CNOT4: variants seen among roughly 807,000 people sequenced by gnomAD.
The protein encoded by CNOT4 is CCR4-associated factor 4.
Under a neutral mutation model 73.8 loss-of-function variants are expected in CNOT4, and 8 were observed. The observed-to-expected ratio is 0.11, with a 90% CI of 0.06 to 0.20. CNOT4 has a LOEUF of 0.20. Among genes scored for constraint, CNOT4 ranks in the 10% least tolerant of loss-of-function variants. The pLI, the probability that CNOT4 is intolerant of heterozygous loss-of-function variation, is 1.00. For missense variants in CNOT4, 564 were observed against 883.4 expected, an observed-to-expected ratio of 0.64 and a Z score of 4.58; for synonymous variants, 293 against 321.1, an observed-to-expected ratio of 0.91 and a Z score of 0.94.
chr7:135,367,815 C>G (rs1227971309), intron 10 of CNOT4, among the ~76,000 whole-genome samples: 1 of 151,908 alleles, frequency 6.6e-6, no homozygotes, highest in Non-Finnish European at 1.5e-5. Flanking sequence ...GTGAAAAGAG[C>G]AAGCAAAGTA....
At chr7:135,376,931 A>C (rs1388744463) in intron 10 of CNOT4, among the ~76,000 whole-genome samples, 2 of 152,228 alleles carry the variant, frequency 1.3e-5, no homozygotes, top group Non-Finnish European at 2.9e-5. Context: ...TCATTTCAGA[A>C]GAAAAATTAT....
At chr7:135,431,849 G>A (rs1798869233) in intron 2 of CNOT4, among the ~76,000 whole-genome samples, 1 of 151,920 alleles carries the variant, frequency 6.6e-6, no homozygotes, top group Non-Finnish European at 1.5e-5. Context: ...ATAAAACATT[G>A]CTAAAGAAAT....
At chr7:135,470,331 T>C (rs566517676) in intron 1 of CNOT4, among the ~76,000 whole-genome samples, 14 of 150,930 alleles carry the variant, frequency 9.3e-5, no homozygotes, top group Non-Finnish European at 1.6e-4. Flanking sequence ...GAAGCGTCAC[T>C]GTATTGCACA....
At chr7:135,450,223 C>T (rs1290445643) in intron 1 of CNOT4, among the ~76,000 whole-genome samples, 1 of 152,052 alleles carries the variant, frequency 6.6e-6, no homozygotes, top group Non-Finnish European at 1.5e-5. Context: ...TAAACAAAAA[C>T]TGGCAATTTA....
At chr7:135,489,873 A>G (rs1223275308) in intron 1 of CNOT4, among the ~76,000 whole-genome samples, 2 of 152,238 alleles carry the variant, frequency 1.3e-5, no homozygotes, top group Non-Finnish European at 2.9e-5. Flanking sequence ...ACAATGCCAC[A>G]ACAGTGATAT....
At chr7:135,385,025 T>A (rs1191635143) in intron 10 of CNOT4, among the ~76,000 whole-genome samples, 2 of 126,664 alleles carry the variant, frequency 1.6e-5, no homozygotes, top group Non-Finnish European at 3.7e-5. Context: ...TAATTCATAG[T>A]TCTTCTCCAT....
intron 2 of CNOT4, among the ~76,000 whole-genome samples, chr7:135,435,287 A>G (rs1248256065): frequency 6.6e-6 from 1 of 152,050 alleles, no homozygotes; most frequent in Non-Finnish European, 1.5e-5. Flanking sequence ...ATTTCTTCCT[A>G]TTCATTTTTA....
At chr7:135,468,600 G>C (rs184768621) in intron 1 of CNOT4, among the ~76,000 whole-genome samples, 1 of 149,778 alleles carries the variant, frequency 6.7e-6, no homozygotes, top group Non-Finnish European at 1.5e-5. Flanking sequence ...AGAATCGCTT[G>C]AACTCAGGAG....
Position 135,363,217 on chromosome 7 carries a change from T to C in CNOT4, c.1841-31A>G, listed in dbSNP as rs114079493. 2,925 of 1,600,994 alleles carry C rather than the reference T, an allele frequency of 1.8e-3. 47 individuals are homozygous for C. The African/African-American group carries it at 0.033, about 18-fold the overall frequency. On this transcript the variant is annotated intron_variant, in intron 11 of 11. Transcript: ENST00000541284. This position sits in a 1 kb window ranked among gnomAD's most constrained non-coding sequence, Gnocchi z 4.3. ...GAGAGAAAAGAAAAAAGAGGGAAAA[T>C]GGTGAGTTTGTGTGGAAAGAATAAG...
intron 2 of CNOT4, among the ~76,000 whole-genome samples, chr7:135,423,230 T>C (rs532932472): frequency 6.6e-6 from 1 of 151,792 alleles, no homozygotes; most frequent in East Asian, 1.9e-4. Flanking sequence ...AACACCAACA[T>C]AGGGGCACAT....
chr7:135,490,468 A>C (rs915325511), intron 1 of CNOT4, among the ~76,000 whole-genome samples: 5 of 152,232 alleles, frequency 3.3e-5, no homozygotes, highest in African/African-American at 4.8e-5. Flanking sequence ...CTCTTCAAAA[A>C]CGATGATCCA....
At chr7:135,377,106 A>C (rs1450425830) in intron 10 of CNOT4, among the ~76,000 whole-genome samples, 1 of 152,228 alleles carries the variant, frequency 6.6e-6, no homozygotes, top group African/African-American at 2.4e-5. Context: ...TTTTAAAATA[A>C]ATGTCTGTTT....
intron 1 of CNOT4, among the ~76,000 whole-genome samples, chr7:135,457,392 A>T (rs1800606450): frequency 6.6e-6 from 1 of 152,088 alleles, no homozygotes; most frequent in Admixed American, 6.6e-5. Flanking sequence ...TCTGTATCTG[A>T]AAGTAACACC....
chr7:135,469,068 ATC>A (rs1266242763), intron 1 of CNOT4, among the ~76,000 whole-genome samples: 1 of 152,170 alleles, frequency 6.6e-6, no homozygotes, highest in Non-Finnish European at 1.5e-5. Flanking sequence ...TTGACAAATA[ATC>A]TGTCAGGAGG....
chr7:135,371,372 T>A (rs185332789), intron 10 of CNOT4, among the ~76,000 whole-genome samples: 135 of 152,294 alleles, frequency 8.9e-4, no homozygotes, highest in Admixed American at 1.6e-3. Context: ...TATTCTAGTA[T>A]GAGCAAAGAC....
chr7:135,378,812 C>T (rs910354928), intron 10 of CNOT4, among the ~76,000 whole-genome samples: 2 of 151,878 alleles, frequency 1.3e-5, no homozygotes, highest in African/African-American at 4.8e-5. Flanking sequence ...AAAGCAAAAC[C>T]CTGTCTCTAG....
At chr7:135,373,321 A>G (rs1346132754) in intron 10 of CNOT4, among the ~76,000 whole-genome samples, 1 of 152,240 alleles carries the variant, frequency 6.6e-6, no homozygotes, top group South Asian at 2.1e-4. Context: ...GCTTCCTTCT[A>G]TCTTTAGGTA....
intron 9 of CNOT4, among the ~76,000 whole-genome samples, chr7:135,395,151 G>C (rs1391751547): frequency 2.0e-5 from 3 of 152,068 alleles, no homozygotes; most frequent in Admixed American, 2.0e-4. Flanking sequence ...ACTTTGGAAG[G>C]CTTGGGTGGG....
rs374506814 is a variant in CNOT4, at chr7:135,495,698, G to A, written c.-93+14191C>T. Among the ~76,000 whole-genome samples, 57 of 16,912 alleles carry A rather than the reference G, an allele frequency of 3.4e-3. 1 individual carries two copies. Among genetic ancestry groups the A allele is most frequent in the Non-Finnish European group, 4.6e-3 (36 of 7,782 alleles). The allele number at this position is 16,912 out of a possible 152,430, so 11.1% of individuals were successfully genotyped here. The stretch of plus-strand genomic sequence containing the variant: ...AAAAAAAAAAAAAAAAAAAAAGAAA[G>A]AAAGAAAGAAAGAAAGAAAGAAAGA... On this transcript the variant is annotated intron_variant, in intron 1 of 11. Coordinates refer to ENST00000541284, the MANE Select transcript of CNOT4 (RefSeq NM_001190850.2).
Sources: gnomAD v4.1 joint callset for allele counts (sites outside exome capture counted in the v4.1 genomes callset) on GRCh38, gnomAD v4.1.1 for gene constraint, Gnocchi (gnomAD v3.1) non-coding constraint, MANE v1.5 for transcripts, NCBI Gene and HGNC (gene_info 2026-07-23, HGNC 2026-07-21) for gene names.